REELD1: variants seen among roughly 807,000 people sequenced by gnomAD.
REELD1 encodes reelin domain-containing protein 1.
A neutral mutation model predicts 6.3 loss-of-function variants in REELD1; 12 were observed. That is an observed-to-expected ratio of 1.89 (90% CI 1.21 to 3.07). The LOEUF is 3.07. Among genes scored for constraint, REELD1 ranks in the 30% most tolerant of loss-of-function variants. The pLI is 0.00. For synonymous variants in REELD1, 57 were observed against 33.6 expected, an observed-to-expected ratio of 1.70 and a Z score of -2.42; for missense variants, 163 against 86.8, an observed-to-expected ratio of 1.88 and a Z score of -3.49.
At chr4:146,223,118 C>T (rs1023819322) in intron 4 of REELD1, among the ~76,000 whole-genome samples, 4 of 152,202 alleles carry the variant, frequency 2.6e-5, no homozygotes, top group African/African-American at 9.7e-5. Context: ...CATTAGTACT[C>T]AAAATGAGGT....
chr4:146,223,034 A>G (rs1165437709), intron 4 of REELD1, among the ~76,000 whole-genome samples: 1 of 152,156 alleles, frequency 6.6e-6, no homozygotes, highest in African/African-American at 2.4e-5. Context: ...CACCTCCCTC[A>G]GGGTTGTATA....
At chr4:146,216,444 T>C (rs1468002640) in intron 2 of REELD1, among the ~76,000 whole-genome samples, 1 of 152,218 alleles carries the variant, frequency 6.6e-6, no homozygotes, top group Non-Finnish European at 1.5e-5. Flanking sequence ...AGTTGGTAGA[T>C]GTTTTGTAGC....
Position 146,220,295 on chromosome 4 carries a change from C to T in REELD1, c.209-2062C>T, listed in dbSNP as rs111820760. On this transcript the variant is annotated intron_variant, in intron 3 of 7. Coordinates refer to ENST00000623665, the MANE Select transcript of REELD1 (RefSeq NM_001354631.1). ...TCATGACAGTCCATTGTCTAGAGGT[C>T]GCATGATTGATTTAACCAGTTTCTT... Among the ~76,000 whole-genome samples, 334 of 152,256 alleles carry T rather than the reference C, an allele frequency of 2.2e-3. 1 individual carries two copies. Among genetic ancestry groups the T allele is most frequent in the Non-Finnish European group, 3.7e-3 (253 of 68,016 alleles).
intron 4 of REELD1, among the ~76,000 whole-genome samples, chr4:146,224,003 T>C (rs976424447): frequency 1.3e-5 from 2 of 152,258 alleles, no homozygotes; most frequent in Non-Finnish European, 2.9e-5. Flanking sequence ...TTATCTCTAA[T>C]TTCCAATAGA....
rs1442224892 is a variant in REELD1 at position 146,231,064 on chromosome 4, T to C, written c.*551T>C. Among the ~76,000 whole-genome samples the C allele has an allele frequency of 6.6e-6, 1 of 152,248 alleles. No individual in the cohort carries two copies. Among genetic ancestry groups the C allele is most frequent in the East Asian group, 1.9e-4 (1 of 5,202 alleles). On this transcript the variant is annotated 3_prime_UTR_variant, in exon 8 of 8. Transcript: ENST00000623665. ...GATGACTAGGTGAATGCAAGGGTATTTGGTCTTCTGGGCAACTCAGCAGCC... is the reference window on the plus strand; with the variant it reads ...GATGACTAGGTGAATGCAAGGGTATCTGGTCTTCTGGGCAACTCAGCAGCC...
At chr4:146,215,650 C>CTTTTTTTTTTT (rs1465971692) in intron 2 of REELD1, among the ~76,000 whole-genome samples, 2 of 78,522 alleles carry the variant, frequency 2.5e-5, no homozygotes, top group African/African-American at 1.1e-4. Context: ...CAGGGGAGGG[C>CTTTTTTTTTTT]ATTTTTTTTT....
chr4:146,222,293 G>T (rs1730937966), intron 3 of REELD1, 64 bp from the exon 4 acceptor site: 2 of 398,080 alleles, frequency 5.0e-6, no homozygotes, highest in African/African-American at 2.1e-5. Flanking sequence ...GAAAAAAGCT[G>T]CATAAAATCA....
At position 146,222,422 on chromosome 4, in the gene REELD1, C is replaced by A. The variant is rs576976157; in HGVS notation, c.274C>A (p.Gln92Lys). Reference sequence around the variant, plus strand: ...TCAGGCTCGAAGAGTGTCCGATCATCAAATCGCTGGCACTTTCGTTCTCAT... The same window carrying A: ...TCAGGCTCGAAGAGTGTCCGATCATAAAATCGCTGGCACTTTCGTTCTCAT... ...LLQARRVSDHQIAGTFVLIPP... is the reference protein window; with the variant it reads ...LLQARRVSDHKIAGTFVLIPP... Residue 92 changes from glutamine (Q) to lysine (K), a missense_variant, in exon 4 of 8, where the codon CAA becomes AAA. Physicochemically the swap from Gln to Lys is moderately conservative, Grantham distance 53. Coordinates refer to ENST00000623665, the MANE Select transcript of REELD1 (RefSeq NM_001354631.1). The A allele has an allele frequency of 5.5e-5, 22 of 398,612 alleles. No individual in the cohort carries two copies. The highest frequency in any genetic ancestry group is 2.6e-4 in the Admixed American group (6 of 22,732). The allele number at this position is 398,612 out of a possible 1,614,324, so 24.7% of individuals were successfully genotyped here.
At chr4:146,218,619 A>G (rs1730866692) in intron 3 of REELD1, among the ~76,000 whole-genome samples, 1 of 152,204 alleles carries the variant, frequency 6.6e-6, no homozygotes, top group African/African-American at 2.4e-5. Context: ...ATACTCCCCA[A>G]TATACTGAAT....
chr4:146,223,723 C>T (rs1334840039), intron 4 of REELD1, among the ~76,000 whole-genome samples: 3 of 152,216 alleles, frequency 2.0e-5, no homozygotes, highest in Non-Finnish European at 4.4e-5. Flanking sequence ...CCTCCGGGAA[C>T]GCTTGCGCAC....
rs551974152 is a variant in REELD1 at position 146,216,985 on chromosome 4, T to G, written c.33T>G (p.Ala11=). Residue 11 remains alanine, a synonymous_variant, in exon 3 of 8, where the codon GCT becomes GCG. Coordinates refer to ENST00000623665, the MANE Select transcript of REELD1 (RefSeq NM_001354631.1). MRMQAALVGW[A]CTTLCLASCS... The stretch of plus-strand genomic sequence containing the variant: ...TGCAGGCTGCCCTCGTGGGCTGGGC[T>G]TGTACCACCCTCTGCCTGGCTTCCT... 29 of 398,644 alleles carry G rather than the reference T, an allele frequency of 7.3e-5. No individual in the cohort carries two copies. The highest frequency in any genetic ancestry group is 1.1e-4 in the Non-Finnish European group (25 of 226,188). 24.7% of individuals were successfully genotyped at this position (398,644 alleles called of 1,614,324 possible). A position where few individuals can be genotyped will look rare whatever the true frequency, so the allele number is the denominator to read the frequency against.
intron 5 of REELD1, among the ~76,000 whole-genome samples, chr4:146,225,346 G>C (rs975149264): frequency 6.6e-6 from 1 of 152,122 alleles, no homozygotes; most frequent in African/African-American, 2.4e-5. Context: ...ATGCACACAA[G>C]ACCCTACCCT....
At chr4:146,226,848 A>C (rs1019943107) in intron 5 of REELD1, among the ~76,000 whole-genome samples, 1 of 152,146 alleles carries the variant, frequency 6.6e-6, no homozygotes, top group African/African-American at 2.4e-5. Context: ...TCAGCTCACT[A>C]CAACCTCCAC....
intron 7 of REELD1, 144 bp from the exon 8 acceptor site, chr4:146,229,761 T>G (rs1731091401): frequency 2.5e-6 from 1 of 395,948 alleles, no homozygotes; most frequent in African/African-American, 2.1e-5. Context: ...CATTTTACTT[T>G]GAGCTCCTTT....
At chr4:146,224,918 C>G (rs1578700554) in intron 5 of REELD1, among the ~76,000 whole-genome samples, 1 of 152,192 alleles carries the variant, frequency 6.6e-6, no homozygotes, top group Non-Finnish European at 1.5e-5. Flanking sequence ...ACCTCTTCCC[C>G]CAACATTTAC....
chr4:146,225,705 A>T (rs1336043607), intron 5 of REELD1, among the ~76,000 whole-genome samples: 2 of 152,228 alleles, frequency 1.3e-5, no homozygotes, highest in East Asian at 3.8e-4. Context: ...AAGTATAACC[A>T]TGTTTGTTTG....
At chr4:146,222,670 C>A in intron 4 of REELD1, 91 bp downstream of exon 4, 1 of 397,690 alleles carries the variant, frequency 2.5e-6, no homozygotes, top group South Asian at 1.4e-4. Flanking sequence ...TATTCCCTTT[C>A]CCCCTCCTTA....
chr4:146,218,993 A>T (rs1047515924), intron 3 of REELD1, among the ~76,000 whole-genome samples: 12 of 152,284 alleles, frequency 7.9e-5, no homozygotes, highest in Middle Eastern at 3.4e-3. Context: ...TACAAAAAAA[A>T]TACAGAAATT....
intron 4 of REELD1, 143 bp from the exon 5 acceptor site, chr4:146,224,302 A>ATC (rs910260245): frequency 4.8e-6 from 2 of 420,092 alleles, no homozygotes; most frequent in Non-Finnish European, 8.4e-6. Flanking sequence ...TAATAATATA[A>ATC]TCTCTCTCTC....
Sources: gnomAD v4.1 joint callset for allele counts (sites outside exome capture counted in the v4.1 genomes callset) on GRCh38, gnomAD v4.1.1 for gene constraint, MANE v1.5 for transcripts, NCBI Gene and HGNC (gene_info 2026-07-23, HGNC 2026-07-21) for gene names.